GABRG2: variants seen among roughly 807,000 people sequenced by gnomAD.
The protein encoded by GABRG2 is gamma-aminobutyric acid type A receptor subunit gamma2, also known as gamma-aminobutyric acid receptor subunit gamma-2.
In GABRG2, 16 loss-of-function variants were observed where a neutral mutation model predicts 56.4. The ratio of observed to expected loss-of-function variants is 0.28; its 90% CI spans 0.19 to 0.43. The LOEUF (loss-of-function observed/expected upper bound fraction) is 0.43, where lower values mean the gene tolerates loss of function less well. Ranked by LOEUF, GABRG2 falls within the 20% of genes least tolerant of loss-of-function variation. The pLI, the probability that GABRG2 is intolerant of heterozygous loss-of-function variation, is 1.00. For missense variants in GABRG2, 327 were observed against 582.7 expected (o/e 0.56, Z 4.52); for synonymous variants, 208 against 205.5 (o/e 1.01, Z -0.10).
chr5:162,084,194 A>G (rs1003312047), intron 1 of GABRG2, among the ~76,000 whole-genome samples: 2 of 151,832 alleles, frequency 1.3e-5, no homozygotes, highest in Non-Finnish European at 3.0e-5. Context: ...GAAAATTAAA[A>G]AGGGAAAAAC....
intron 3 of GABRG2, among the ~76,000 whole-genome samples, chr5:162,096,027 A>G (rs757180537): frequency 5.3e-5 from 8 of 152,036 alleles, no homozygotes; most frequent in Non-Finnish European, 8.8e-5. Flanking sequence ...ATGATATAAT[A>G]GAGAATGTAA....
chr5:162,144,897 T>C (rs1764842156), intron 7 of GABRG2, among the ~76,000 whole-genome samples: 1 of 152,194 alleles, frequency 6.6e-6, no homozygotes, highest in South Asian at 2.1e-4. Flanking sequence ...GCAGATTCCT[T>C]AGTTCAACCC....
intron 6 of GABRG2, among the ~76,000 whole-genome samples, chr5:162,133,653 G>A (rs1763913873): frequency 6.6e-6 from 1 of 151,936 alleles, no homozygotes. Flanking sequence ...ACTTGACTAT[G>A]GACTCAGACA....
At chr5:162,134,805 T>C (rs1581425075) in intron 6 of GABRG2, among the ~76,000 whole-genome samples, 1 of 152,130 alleles carries the variant, frequency 6.6e-6, no homozygotes, top group East Asian at 1.9e-4. Context: ...ACGAAGACCA[T>C]CCCTCCTCAG....
At chr5:162,145,045 A>T (rs1305666502) in intron 7 of GABRG2, among the ~76,000 whole-genome samples, 1 of 152,134 alleles carries the variant, frequency 6.6e-6, no homozygotes, top group Admixed American at 6.5e-5. Flanking sequence ...GAGTCCCATT[A>T]CTTTTCTCAA....
intron 6 of GABRG2, among the ~76,000 whole-genome samples, chr5:162,111,203 G>A (rs1762229415): frequency 6.6e-6 from 1 of 151,982 alleles, no homozygotes; most frequent in African/African-American, 2.4e-5. Flanking sequence ...TTGGGGTTTA[G>A]GTTTTTAATT....
chr5:162,137,285 A>AT (rs1764205874), intron 6 of GABRG2, among the ~76,000 whole-genome samples: 1 of 152,198 alleles, frequency 6.6e-6, no homozygotes, highest in African/African-American at 2.4e-5. Context: ...TATCCAAGAA[A>AT]TTTTAAAATA....
chr5:162,088,981 A>G (rs1760349300), intron 1 of GABRG2, among the ~76,000 whole-genome samples: 1 of 152,184 alleles, frequency 6.6e-6, no homozygotes. Flanking sequence ...TTTATAGTTT[A>G]GTAATGAAGA....
intron 7 of GABRG2, among the ~76,000 whole-genome samples, chr5:162,146,732 C>G (rs1764976247): frequency 6.6e-6 from 1 of 152,176 alleles, no homozygotes; most frequent in South Asian, 2.1e-4. Context: ...ATTACATAAT[C>G]AGGAATAGTA....
chr5:162,094,108 G>A lies in GABRG2; in HGVS notation c.259+129G>A, dbSNP rs546779934. ...TTATACTTTTTTATATGTTGTAAAAGTAGTGTTTAAATAGCATTCAGGCCT... is the reference window on the plus strand; with the variant it reads ...TTATACTTTTTTATATGTTGTAAAAATAGTGTTTAAATAGCATTCAGGCCT... On this transcript the variant is annotated intron_variant, in intron 2 of 9. Coordinates refer to ENST00000639213, the MANE Select transcript of GABRG2 (RefSeq NM_198904.4). 62 of 1,060,750 alleles carry A rather than the reference G, an allele frequency of 5.8e-5. No homozygotes were observed. The South Asian group carries it at 6.0e-4, about 10-fold the overall frequency. The allele number at this position is 1,060,750 out of a possible 1,614,324, so 65.7% of individuals were successfully genotyped here. A position where few individuals can be genotyped will look rare whatever the true frequency, so the allele number is the denominator to read the frequency against.
chr5:162,086,054 G>A (rs1760078274), intron 1 of GABRG2, among the ~76,000 whole-genome samples: 1 of 151,652 alleles, frequency 6.6e-6, no homozygotes, highest in Admixed American at 6.6e-5. Context: ...ACTCGTGCAT[G>A]CTTTGTTTCA....
At chr5:162,131,525 A>T (rs1054044099) in intron 6 of GABRG2, among the ~76,000 whole-genome samples, 21 of 151,884 alleles carry the variant, frequency 1.4e-4, no homozygotes, top group Non-Finnish European at 2.8e-4. Context: ...TTTTTGTAAT[A>T]TTTTAAATTC....
At chr5:162,110,436 CATATGAATAA>C (rs1762172102) in intron 6 of GABRG2, among the ~76,000 whole-genome samples, 1 of 152,058 alleles carries the variant, frequency 6.6e-6, no homozygotes, top group Non-Finnish European at 1.5e-5. Context: ...TCAATGTTTA[CATATGAATAA>C]AATGCTTCCT....
rs778533443 is a variant in GABRG2, at chr5:162,153,159, G to A, written c.1219G>A (p.Glu407Lys). The change falls in exon 10 of 10, where the codon GAG (glutamate) becomes AAG (lysine). Residue 407 changes from glutamate to lysine, a missense_variant. By Grantham distance (56) the Glu-to-Lys change is moderately conservative. This residue lies in a region of GABRG2 where 108 missense variants were observed against 144.2 expected (regional missense o/e 0.75). Coordinates refer to ENST00000639213, the MANE Select transcript of GABRG2 (RefSeq NM_198904.4). ...IQMNNATHLQ[E>K]RDEEYGYECL... is the part of the protein sequence containing the mutation. ...AATGAATAATGCTACACACCTTCAAGAGAGAGATGAAGAGTACGGCTATGA... is the reference window on the plus strand; with the variant it reads ...AATGAATAATGCTACACACCTTCAAAAGAGAGATGAAGAGTACGGCTATGA... 6.2e-7 allele frequency: 1 copy of A among 1,614,088 alleles called. No homozygotes were observed. The highest frequency in any genetic ancestry group is 1.1e-5 in the South Asian group (1 of 91,086).
intron 6 of GABRG2, among the ~76,000 whole-genome samples, chr5:162,135,950 A>G (rs992087763): frequency 1.3e-5 from 2 of 152,196 alleles, no homozygotes; most frequent in Non-Finnish European, 2.9e-5. Flanking sequence ...GTGTGACCTG[A>G]TATCAATGGG....
At position 162,153,529 on chromosome 5, in the gene GABRG2, C is replaced by T; in HGVS notation, c.*161C>T. ...TTTATAATGTCATATTGTTTGTGCC[C>T]AGCCCTCCTTTGGTTAGTGTACTTT... On this transcript the variant is annotated 3_prime_UTR_variant, in exon 10 of 10. Transcript: ENST00000639213. The T allele has an allele frequency of 1.1e-6, 1 of 893,984 alleles. No individual in the cohort carries two copies. The highest frequency in any genetic ancestry group is 1.8e-6 in the Non-Finnish European group (1 of 561,644). The allele number at this position is 893,984 out of a possible 1,614,324, so 55.4% of individuals were successfully genotyped here. A position where few individuals can be genotyped will look rare whatever the true frequency, so the allele number is the denominator to read the frequency against.
intron 6 of GABRG2, among the ~76,000 whole-genome samples, chr5:162,105,801 G>T (rs1341635297): frequency 9.9e-6 from 1 of 100,674 alleles, no homozygotes; most frequent in Non-Finnish European, 1.9e-5. Flanking sequence ...TTCCATTGGC[G>T]AAAGAAAACA....
upstream of GABRG2, chr5:162,067,706 G>C (rs965941764): frequency 1.7e-6 from 1 of 603,958 alleles, no homozygotes; most frequent in African/African-American, 1.9e-5. Context: ...ATTTGTCTCC[G>C]TATGAGTCTC....
intron 6 of GABRG2, among the ~76,000 whole-genome samples, chr5:162,122,952 A>G (rs1341787795): frequency 6.6e-6 from 1 of 151,764 alleles, no homozygotes; most frequent in Non-Finnish European, 1.5e-5. Context: ...TCATTTTAAT[A>G]TCTCTAAAAT....
Sources: gnomAD v4.1 joint callset for allele counts (sites outside exome capture counted in the v4.1 genomes callset) on GRCh38, gnomAD v4.1.1 for gene constraint, gnomAD v4.1.1 regional missense constraint, MANE v1.5 for transcripts, NCBI Gene and HGNC (gene_info 2026-07-23, HGNC 2026-07-21) for gene names.